Variants in EPHA6 observed in about 807,000 individuals in gnomAD.
EPHA6 encodes ephrin type-A receptor 6.
Under a neutral mutation model 112.0 loss-of-function variants are expected in EPHA6, and 50 were observed. The ratio of observed to expected loss-of-function variants is 0.45; its 90% confidence interval spans 0.36 to 0.56. The LOEUF (loss-of-function observed/expected upper bound fraction) is 0.56. Among genes scored for constraint, EPHA6 ranks in the 20% least tolerant of loss-of-function variants. The pLI is 0.00. For synonymous variants in EPHA6, 529 were observed against 490.7 expected (o/e 1.08, Z -1.03); for missense variants, 1,280 against 1,417.4 (o/e 0.90, Z 1.56).
At chr3:96,953,473 A>G (rs1325426135) in intron 2 of EPHA6, among the ~76,000 whole-genome samples, 2 of 152,204 alleles carry the variant, frequency 1.3e-5, no homozygotes, top group African/African-American at 4.8e-5. Context: ...ATACTCCAAT[A>G]ATACAAAACT....
intron 11 of EPHA6, among the ~76,000 whole-genome samples, chr3:97,550,077 GA>G: frequency 6.6e-6 from 1 of 152,266 alleles, no homozygotes; most frequent in East Asian, 1.9e-4. Flanking sequence ...CCCTATTCTG[GA>G]AACAGATACC....
intron 3 of EPHA6, among the ~76,000 whole-genome samples, chr3:97,119,315 C>T (rs2047978546): frequency 1.3e-5 from 2 of 152,028 alleles, no homozygotes; most frequent in South Asian, 4.1e-4. Context: ...GGATATTTCT[C>T]TAGGTGCGTG....
At chr3:97,033,874 A>G (rs1475551045) in intron 3 of EPHA6, among the ~76,000 whole-genome samples, 1 of 151,956 alleles carries the variant, frequency 6.6e-6, no homozygotes, top group Non-Finnish European at 1.5e-5. Flanking sequence ...AGTAATGAAA[A>G]CTTGATATAG....
At chr3:97,001,156 G>A (rs1041708868) in intron 3 of EPHA6, among the ~76,000 whole-genome samples, 4 of 151,260 alleles carry the variant, frequency 2.6e-5, no homozygotes, top group Non-Finnish European at 5.9e-5. Context: ...GAAATAAATA[G>A]TATTCAACTA....
chr3:97,074,944 A>T (rs1281560429), intron 3 of EPHA6, among the ~76,000 whole-genome samples: 4 of 152,032 alleles, frequency 2.6e-5, no homozygotes, highest in African/African-American at 9.7e-5. Context: ...TAAAACTGAT[A>T]ACTTTGGAAA....
At chr3:97,601,505 G>A (rs1416547387) in intron 12 of EPHA6, among the ~76,000 whole-genome samples, 1 of 152,104 alleles carries the variant, frequency 6.6e-6, no homozygotes, top group Non-Finnish European at 1.5e-5. Flanking sequence ...TAAAACATGT[G>A]TTGGCTCAGC....
intron 12 of EPHA6, among the ~76,000 whole-genome samples, chr3:97,607,818 A>G (rs2093690807): frequency 6.6e-6 from 1 of 151,222 alleles, no homozygotes; most frequent in Admixed American, 6.6e-5. Context: ...ATAATAAATT[A>G]CTTCCCAATA....
chr3:97,683,063 T>G (rs1217464535), intron 14 of EPHA6, among the ~76,000 whole-genome samples: 2 of 152,184 alleles, frequency 1.3e-5, no homozygotes, highest in African/African-American at 4.8e-5. Context: ...TCATTTTTAT[T>G]GTATGTACCT....
intron 10 of EPHA6, among the ~76,000 whole-genome samples, chr3:97,484,724 G>A (rs1237412110): frequency 6.6e-6 from 1 of 152,202 alleles, no homozygotes. Flanking sequence ...CAGAGGAGCT[G>A]TCATTCAGGG....
intron 6 of EPHA6, among the ~76,000 whole-genome samples, chr3:97,428,810 T>C (rs941462360): frequency 1.3e-5 from 2 of 152,118 alleles, no homozygotes; most frequent in African/African-American, 2.4e-5. Context: ...TCTTGCTGAA[T>C]ACAGAAATGC....
chr3:97,565,240 A>G (rs1234289496), intron 11 of EPHA6, among the ~76,000 whole-genome samples: 1 of 152,172 alleles, frequency 6.6e-6, no homozygotes, highest in Non-Finnish European at 1.5e-5. Flanking sequence ...CATGCTATAA[A>G]TATTCAAGGA....
intron 3 of EPHA6, among the ~76,000 whole-genome samples, chr3:97,034,210 A>C (rs1320162377): frequency 1.3e-5 from 2 of 151,966 alleles, no homozygotes; most frequent in Admixed American, 1.3e-4. Flanking sequence ...ATAAAAATGA[A>C]AATATAGTAA....
intron 3 of EPHA6, among the ~76,000 whole-genome samples, chr3:97,135,981 G>A (rs1048765326): frequency 6.6e-6 from 1 of 152,052 alleles, no homozygotes; most frequent in African/African-American, 2.4e-5. Flanking sequence ...TTATATAGAC[G>A]GAGTCTTGGA....
intron 14 of EPHA6, among the ~76,000 whole-genome samples, chr3:97,674,155 G>T (rs1054397464): frequency 6.6e-6 from 1 of 152,164 alleles, no homozygotes; most frequent in East Asian, 1.9e-4. Context: ...TATGTGAATG[G>T]TTATGGAAAC....
intron 5 of EPHA6, among the ~76,000 whole-genome samples, chr3:97,374,599 G>A (rs187262442): frequency 1.6e-4 from 25 of 152,102 alleles, no homozygotes; most frequent in South Asian, 1.0e-3. Flanking sequence ...GGCAGTCAGC[G>A]TCACCCAGGT....
intron 1 of EPHA6, among the ~76,000 whole-genome samples, chr3:96,833,357 A>G (rs2034206100): frequency 6.6e-6 from 1 of 151,746 alleles, no homozygotes; most frequent in South Asian, 2.1e-4. Context: ...GAGGCATGGA[A>G]TGGATTCTCC....
chr3:97,147,475 A>G (rs2076071023), intron 3 of EPHA6, among the ~76,000 whole-genome samples: 1 of 152,044 alleles, frequency 6.6e-6, no homozygotes, highest in Non-Finnish European at 1.5e-5. Context: ...AAGTGGCACT[A>G]CTTACTGATT....
chr3:97,003,640 T>G lies in EPHA6; in HGVS notation c.1114+15647T>G, dbSNP rs528039709. Among the ~76,000 whole-genome samples the G allele has an allele frequency of 6.8e-4, 103 of 152,266 alleles. 2 individuals are homozygous for G. The South Asian group carries it at 0.021, about 31-fold the overall frequency. ...AAGCAATAACTTTTTAAAAATGATTTGCTTTCCTATTTCTTTTTTTCTTTA... is the reference window on the plus strand; with the variant it reads ...AAGCAATAACTTTTTAAAAATGATTGGCTTTCCTATTTCTTTTTTTCTTTA... On this transcript the variant is annotated intron_variant, in intron 3 of 17. Transcript: ENST00000389672.
At chr3:97,253,417 A>G (rs1298384069) in intron 5 of EPHA6, among the ~76,000 whole-genome samples, 2 of 152,228 alleles carry the variant, frequency 1.3e-5, no homozygotes, top group Non-Finnish European at 2.9e-5. Flanking sequence ...TAATAGGTCT[A>G]AGGGTGGATT....
Sources: allele counts gnomAD v4.1 joint callset (sites outside exome capture counted in the v4.1 genomes callset), GRCh38; gene constraint gnomAD v4.1.1; transcripts MANE v1.5; gene names NCBI Gene and HGNC (gene_info 2026-07-23, HGNC 2026-07-21).